ZC3H12B: variants seen among roughly 807,000 people sequenced by gnomAD.
The protein encoded by ZC3H12B is probable ribonuclease ZC3H12B.
Under a neutral mutation model 43.9 loss-of-function variants are expected in ZC3H12B, and 7 were observed. The ratio of observed to expected loss-of-function variants is 0.16; its 90% CI spans 0.09 to 0.30. ZC3H12B has a LOEUF of 0.30. Among genes scored for constraint, ZC3H12B ranks in the 10% least tolerant of loss-of-function variants. The pLI, the probability that ZC3H12B is intolerant of heterozygous loss-of-function variation, is 1.00. For missense variants in ZC3H12B, 475 were observed against 670.2 expected, an observed-to-expected ratio of 0.71 and a Z score of 3.22; for synonymous variants, 222 against 241.7, an observed-to-expected ratio of 0.92 and a Z score of 0.76.
At chrX:65,485,676 T>C (rs1602521072), upstream of ZC3H12B, among the ~76,000 whole-genome samples, 3 of 112,332 alleles carry the variant, frequency 2.7e-5, no homozygotes, top group East Asian at 5.6e-4. Context: ...AATGCTTTCA[T>C]TTGTTACTCC....
the ZC3H12B span, among the ~76,000 whole-genome samples, chrX:65,356,280 C>G: frequency 5.4e-5 from 6 of 111,795 alleles, no homozygotes; most frequent in African/African-American, 1.6e-4. Flanking sequence ...AGAGCTTTTC[C>G]TGGCCCCACA....
At chrX:65,305,856 G>A in the ZC3H12B span, among the ~76,000 whole-genome samples, 32 of 111,297 alleles carry the variant, frequency 2.9e-4, no homozygotes, top group Non-Finnish European at 6.0e-4. Context: ...TCATTTAACC[G>A]AACCTGTTTT....
At chrX:65,214,519 C>T in the ZC3H12B span, among the ~76,000 whole-genome samples, 3 of 111,631 alleles carry the variant, frequency 2.7e-5, no homozygotes, top group Admixed American at 9.6e-5. Flanking sequence ...TTATAGGAAA[C>T]AAATGTTCAT....
At chrX:65,481,868 G>A (rs2068067495) in intron 3 of ZC3H12B, among the ~76,000 whole-genome samples, 1 of 110,255 alleles carries the variant, frequency 9.1e-6, no homozygotes, top group Non-Finnish European at 1.9e-5. Context: ...TCCTTCTATT[G>A]CCTCTTTCCC....
the ZC3H12B span, among the ~76,000 whole-genome samples, chrX:65,159,206 T>C: frequency 8.9e-6 from 1 of 112,154 alleles, no homozygotes; most frequent in Non-Finnish European, 1.9e-5. Context: ...TCAGGTAGCA[T>C]GATGCCTCCA....
the ZC3H12B span, among the ~76,000 whole-genome samples, chrX:65,117,172 A>G: frequency 8.9e-6 from 1 of 111,980 alleles, no homozygotes; most frequent in African/African-American, 3.2e-5. Flanking sequence ...TTACAGTCCC[A>G]TGAACAATGT....
the ZC3H12B span, among the ~76,000 whole-genome samples, chrX:65,162,815 T>C: frequency 8.9e-6 from 1 of 112,512 alleles, no homozygotes; most frequent in East Asian, 2.8e-4. Context: ...GGTGAGGAAC[T>C]GCGTTCCTTT....
At chrX:65,119,947 A>G in the ZC3H12B span, among the ~76,000 whole-genome samples, 1 of 111,767 alleles carries the variant, frequency 8.9e-6, no homozygotes, top group Non-Finnish European at 1.9e-5. Flanking sequence ...GTCAAAGATC[A>G]GATGGTTGTA....
At chrX:65,264,454 TTTG>T in the ZC3H12B span, among the ~76,000 whole-genome samples, 6 of 112,294 alleles carry the variant, frequency 5.3e-5, no homozygotes, top group South Asian at 3.6e-4. Flanking sequence ...ATGTACTCAG[TTTG>T]TTATTTACCT....
At chrX:65,490,142 C>A (rs765327749) in intron 1 of ZC3H12B, among the ~76,000 whole-genome samples, 9 of 111,217 alleles carry the variant, frequency 8.1e-5, no homozygotes, top group Non-Finnish European at 1.5e-4. Flanking sequence ...AATACATTAT[C>A]TCATATGGTA....
In ZC3H12B at chrX:65,407,289, T is replaced by C. The variant is rs1365244150; in HGVS notation, n.407+8585T>C. On this transcript the variant is annotated intron_variant and non_coding_transcript_variant, in intron 3 of 5. Transcript: ENST00000617377. Reference sequence around the variant, plus strand: ...CCGAGCTCGAGGAGCAGCGGCCATTTGCGGGACTGCTCTCGGTGGAGTAGC... The same window carrying C: ...CCGAGCTCGAGGAGCAGCGGCCATTCGCGGGACTGCTCTCGGTGGAGTAGC... Among the ~76,000 whole-genome samples the C allele has an allele frequency of 4.9e-5, 5 of 101,399 alleles. 1 individual carries two copies. Among genetic ancestry groups the C allele is most frequent in the African/African-American group, 1.8e-4 (5 of 27,543 alleles). The allele number at this position is 101,399 out of a possible 115,157, so 88.1% of individuals were successfully genotyped here. A position where few individuals can be genotyped will look rare whatever the true frequency, so the allele number is the denominator to read the frequency against.
At chrX:65,423,749 T>C (rs760963006) in intron 3 of ZC3H12B, among the ~76,000 whole-genome samples, 17 of 112,204 alleles carry the variant, frequency 1.5e-4, no homozygotes, top group Admixed American at 1.4e-3. Flanking sequence ...ATTCTGGATA[T>C]TAGCCCTTTG....
At chrX:65,096,555 A>C in the ZC3H12B span, among the ~76,000 whole-genome samples, 1 of 111,787 alleles carries the variant, frequency 8.9e-6, no homozygotes, top group East Asian at 2.8e-4. Context: ...TATTGTTGAG[A>C]AAAGACATTC....
At chrX:65,212,520 T>G in the ZC3H12B span, among the ~76,000 whole-genome samples, 1 of 73,361 alleles carries the variant, frequency 1.4e-5, no homozygotes, top group African/African-American at 5.6e-5. Context: ...ACAATATTTT[T>G]ATTATATTAC....
chrX:65,134,514 A>T, the ZC3H12B span, among the ~76,000 whole-genome samples: 1 of 111,668 alleles, frequency 9.0e-6, no homozygotes, highest in South Asian at 3.7e-4. Context: ...GTAGCAAAAG[A>T]GGGAGATTGA....
At chrX:65,468,729 G>A (rs1405739577) in intron 3 of ZC3H12B, among the ~76,000 whole-genome samples, 4 of 100,825 alleles carry the variant, frequency 4.0e-5, no homozygotes, top group Non-Finnish European at 7.9e-5. Context: ...CTCATGATCC[G>A]CCTGCCTCGG....
At chrX:65,278,685 G>C in the ZC3H12B span, among the ~76,000 whole-genome samples, 4 of 111,291 alleles carry the variant, frequency 3.6e-5, no homozygotes, top group Non-Finnish European at 7.5e-5. Context: ...AGGGATTCAT[G>C]TGAAAGTTTG....
At chrX:65,072,112 G>C in the ZC3H12B span, among the ~76,000 whole-genome samples, 10 of 111,608 alleles carry the variant, frequency 9.0e-5, no homozygotes, top group African/African-American at 3.3e-4. Flanking sequence ...GTCTCTTTAC[G>C]TAATCTCATA....
chrX:65,051,980 T>C, the ZC3H12B span, among the ~76,000 whole-genome samples: 4 of 110,814 alleles, frequency 3.6e-5, no homozygotes, highest in African/African-American at 1.3e-4. Context: ...GACCAGTTTT[T>C]TTAAGTTTCA....
Sources: allele counts gnomAD v4.1 joint callset (sites outside exome capture counted in the v4.1 genomes callset), GRCh38; gene constraint gnomAD v4.1.1; transcripts MANE v1.5; gene names NCBI Gene and HGNC (gene_info 2026-07-23, HGNC 2026-07-21).